The following CYP2C19 variants were observed in gnomAD, a reference collection of about 807,000 sequenced individuals.
CYP2C19 encodes the protein cytochrome P450 2C19.
Under a neutral mutation model 40.9 loss-of-function variants are expected in CYP2C19, and 59 were observed. That is an observed-to-expected ratio of 1.44 (90% CI 1.17 to 1.79). CYP2C19 has a LOEUF of 1.79. Ranked by LOEUF, CYP2C19 falls within the 40% of genes most tolerant of loss-of-function variation. The pLI, the probability that CYP2C19 is intolerant of heterozygous loss-of-function variation, is 0.00. For missense variants in CYP2C19, 754 were observed against 596.9 expected, an observed-to-expected ratio of 1.26 and a Z score of -2.74; for synonymous variants, 253 against 208.7, an observed-to-expected ratio of 1.21 and a Z score of -1.83.
intron 5 of CYP2C19, among the ~76,000 whole-genome samples, chr10:94,799,682 G>T (rs1470989605): frequency 6.6e-6 from 1 of 152,028 alleles, no homozygotes; most frequent in Non-Finnish European, 1.5e-5. Context: ...TTTCTTGGAG[G>T]CTTTGTTTGT....
At chr10:94,844,010 A>C (rs148876890) in intron 7 of CYP2C19, among the ~76,000 whole-genome samples, 108 of 152,320 alleles carry the variant, frequency 7.1e-4, no homozygotes, top group Middle Eastern at 3.4e-3. Flanking sequence ...TATATTCTTC[A>C]TATTGTTTAG....
At position 94,820,725 on chromosome 10, in the gene CYP2C19, A is replaced by T; in HGVS notation, c.961+88A>T. On this transcript the variant is annotated intron_variant, in intron 6 of 8. Transcript: ENST00000371321. ...GTTCTCCTTTCTGTTTCTCTTAGAG[A>T]AGTTCCATTATTTAAATTTCTGTGC... 1.3e-6 allele frequency: 2 copies of T among 1,524,568 alleles called. 1 individual carries two copies. The highest frequency in any genetic ancestry group is 1.8e-6 in the Non-Finnish European group (2 of 1,107,192). The allele number at this position is 1,524,568 out of a possible 1,614,324, so 94.4% of individuals were successfully genotyped here. A position where few individuals can be genotyped will look rare whatever the true frequency, so the allele number is the denominator to read the frequency against.
At chr10:94,803,687 C>T (rs1319156849) in intron 5 of CYP2C19, among the ~76,000 whole-genome samples, 1 of 152,168 alleles carries the variant, frequency 6.6e-6, no homozygotes, top group Admixed American at 6.5e-5. Context: ...ACCTCTTTGG[C>T]TCCAAGTACT....
chr10:94,848,301 G>A (rs1317718894), intron 7 of CYP2C19, among the ~76,000 whole-genome samples: 1 of 152,178 alleles, frequency 6.6e-6, no homozygotes, highest in Non-Finnish European at 1.5e-5. Flanking sequence ...CATACGGCTA[G>A]TCAGTTTTCC....
Position 94,818,207 on chromosome 10 carries a change from C to T in CYP2C19, c.820-2289C>T, listed in dbSNP as rs569652068. Among the ~76,000 whole-genome samples, 657 of 144,934 alleles carry T rather than the reference C, an allele frequency of 4.5e-3. 3 individuals are homozygous for T. Among genetic ancestry groups the T allele is most frequent in the African/African-American group, 0.016 (627 of 38,826 alleles). On this transcript the variant is annotated intron_variant, in intron 5 of 8. Coordinates refer to ENST00000371321, the MANE Select transcript of CYP2C19 (RefSeq NM_000769.4). ...CAAAGATCAGATAGTTGTAGGTATGCGGCGTTATTTCTGAGGGCTCTGTTC... is the reference window on the plus strand; with the variant it reads ...CAAAGATCAGATAGTTGTAGGTATGTGGCGTTATTTCTGAGGGCTCTGTTC...
At chr10:94,832,014 C>T (rs1010162010) in intron 6 of CYP2C19, among the ~76,000 whole-genome samples, 41 of 152,066 alleles carry the variant, frequency 2.7e-4, no homozygotes, top group Non-Finnish European at 4.7e-4. Context: ...TAGTATTTTC[C>T]TATAGTATTT....
At chr10:94,772,965 T>C (rs1266195350) in intron 1 of CYP2C19, among the ~76,000 whole-genome samples, 1 of 151,838 alleles carries the variant, frequency 6.6e-6, no homozygotes, top group South Asian at 2.1e-4. Context: ...GTATTTTTAG[T>C]AGAGACGGGG....
At position 94,842,861 on chromosome 10, in the gene CYP2C19, G is replaced by A. The variant is rs138142612; in HGVS notation, c.986G>A (p.Arg329His). 50 of 1,613,984 alleles carry A rather than the reference G, an allele frequency of 3.1e-5. No individual in the cohort carries two copies. Among genetic ancestry groups the A allele is most frequent in the Admixed American group, 8.3e-5 (5 of 60,000 alleles). Residue 329 changes from arginine to histidine, a missense_variant, in exon 7 of 9, where the codon CGT becomes CAT. By Grantham distance (29) the Arg-to-His change is conservative. Transcript: ENST00000371321. ...VTAKVQEEIE[R>H]VIGRNRSPCM... ...GCTAAAGTCCAGGAAGAGATTGAAC[G>A]TGTCATTGGCAGAAACCGGAGCCCC...
intron 6 of CYP2C19, among the ~76,000 whole-genome samples, chr10:94,836,456 T>C (rs150211688): frequency 6.6e-6 from 1 of 152,330 alleles, no homozygotes; most frequent in Non-Finnish European, 1.5e-5. Context: ...CACTGAGTCT[T>C]GGGTTAGAGA....
intron 5 of CYP2C19, among the ~76,000 whole-genome samples, chr10:94,791,237 G>A (rs77739805): frequency 0.011 from 1,722 of 152,012 alleles, 8 homozygotes; most frequent in South Asian, 0.016. Context: ...TTTTTATTGT[G>A]TCTATTTGAT....
intron 6 of CYP2C19, among the ~76,000 whole-genome samples, chr10:94,824,761 T>C (rs1214434518): frequency 6.7e-6 from 1 of 150,330 alleles, no homozygotes; most frequent in Non-Finnish European, 1.5e-5. Flanking sequence ...ACCCACTAAC[T>C]CGTCATCTAG....
intron 6 of CYP2C19, among the ~76,000 whole-genome samples, chr10:94,823,697 G>A (rs1179899260): frequency 6.6e-6 from 1 of 152,082 alleles, no homozygotes; most frequent in Admixed American, 6.6e-5. Context: ...TTCTCAAGAG[G>A]AACTATTAAT....
In CYP2C19 at chr10:94,853,169, T is replaced by G. The variant is rs1467078045; in HGVS notation, c.*255T>G. 4.3e-6 allele frequency: 2 copies of G among 468,968 alleles called. No individual in the cohort carries two copies. Among genetic ancestry groups the G allele is most frequent in the Non-Finnish European group, 3.7e-6 (1 of 267,416 alleles). The allele number at this position is 468,968 out of a possible 1,614,324, so 29.1% of individuals were successfully genotyped here. A position where few individuals can be genotyped will look rare whatever the true frequency, so the allele number is the denominator to read the frequency against. On this transcript the variant is annotated 3_prime_UTR_variant, in exon 9 of 9. Transcript: ENST00000371321. Reference sequence around the variant, plus strand: ...GTCTAATGTTGAGTTATTAACATATTATTATTAAATAGAGAAAGATGATTT... The same window carrying G: ...GTCTAATGTTGAGTTATTAACATATGATTATTAAATAGAGAAAGATGATTT...
chr10:94,820,988 C>A (rs1206878162), intron 6 of CYP2C19, among the ~76,000 whole-genome samples: 1 of 152,080 alleles, frequency 6.6e-6, no homozygotes, highest in Non-Finnish European at 1.5e-5. Flanking sequence ...GGGGCTGAGG[C>A]ATGGGAATCG....
At chr10:94,825,892 C>A (rs1279122810) in intron 6 of CYP2C19, among the ~76,000 whole-genome samples, 1 of 151,602 alleles carries the variant, frequency 6.6e-6, no homozygotes, top group Non-Finnish European at 1.5e-5. Context: ...CCAGCTTTCC[C>A]AGCACCATTT....
At chr10:94,774,958 TA>T in intron 1 of CYP2C19, 99 bp from the exon 2 acceptor site, 1 of 1,293,730 alleles carries the variant, frequency 7.7e-7, no homozygotes, top group Non-Finnish European at 1.1e-6. Flanking sequence ...TGTGACTGAA[TA>T]AAAGCATACA....
chr10:94,820,683 G>C, intron 6 of CYP2C19, 46 bp downstream of exon 6: 1 of 1,611,520 alleles, frequency 6.2e-7, no homozygotes, highest in Non-Finnish European at 8.5e-7. Context: ...GAAAGATGTT[G>C]GGAAGGTGCT....
At chr10:94,845,100 A>C (rs1849552735) in intron 7 of CYP2C19, among the ~76,000 whole-genome samples, 1 of 152,152 alleles carries the variant, frequency 6.6e-6, no homozygotes, top group African/African-American at 2.4e-5. Context: ...TACCCTCTTT[A>C]CAAATCAGGC....
At chr10:94,829,465 C>T (rs545492430) in intron 6 of CYP2C19, among the ~76,000 whole-genome samples, 2 of 152,328 alleles carry the variant, frequency 1.3e-5, no homozygotes, top group East Asian at 3.9e-4. Flanking sequence ...GAGACTTCTG[C>T]ATTCTTCACG....
Sources: gnomAD v4.1 joint callset for allele counts (sites outside exome capture counted in the v4.1 genomes callset) on GRCh38, gnomAD v4.1.1 for gene constraint, MANE v1.5 for transcripts, NCBI Gene and HGNC (gene_info 2026-07-23, HGNC 2026-07-21) for gene names.